The following SART3 variants were observed in gnomAD, a reference collection of about 807,000 sequenced individuals.
SART3 encodes the protein HIV-1 Tat-interacting protein of 110kDa.
SART3 carries 44 observed loss-of-function variants against 122.3 expected under a neutral mutation model. The observed-to-expected ratio is 0.36, with a 90% CI of 0.28 to 0.46. The LOEUF is 0.46. Among genes scored for constraint, SART3 ranks in the 20% least tolerant of loss-of-function variants. The pLI is 1.00. For synonymous variants in SART3, 442 were observed against 454.0 expected, an observed-to-expected ratio of 0.97 and a Z score of 0.34; for missense variants, 1,101 against 1,229.0, an observed-to-expected ratio of 0.90 and a Z score of 1.56.
At chr12:108,537,374 A>G in intron 9 of SART3, 114 bp downstream of exon 9, 2 of 774,478 alleles carry the variant, frequency 2.6e-6, no homozygotes, top group South Asian at 2.9e-5. Context: ...AGTCACCAAT[A>G]CCTAGTCTAC....
intron 15 of SART3, among the ~76,000 whole-genome samples, chr12:108,528,300 T>A (rs897584895): frequency 1.3e-5 from 2 of 151,742 alleles, no homozygotes; most frequent in Admixed American, 1.3e-4. Context: ...CTGGCTAACA[T>A]GGTGAAACCC....
Position 108,545,249 on chromosome 12 carries a change from G to A in SART3, c.619C>T (p.Arg207Cys), listed in dbSNP as rs772625810. 41 of 1,613,948 alleles carry A rather than the reference G, an allele frequency of 2.5e-5. No homozygotes were observed. The highest frequency in any genetic ancestry group is 2.7e-5 in the Non-Finnish European group (32 of 1,179,998). ...GAGAGAGCCCTTTCAAACACGGAGC[G>A]AACTTTCTCAAGGCCACCTTTCTGA... ...IGQKGGLEKV[R>C]SVFERALSSV... Residue 207 changes from arginine (R) to cysteine (C), a missense_variant, in exon 4 of 19, where the codon CGC (arginine) becomes TGC (cysteine). Arg to Cys is a radical substitution (Grantham distance 180). Coordinates refer to ENST00000546815, the MANE Select transcript of SART3 (RefSeq NM_014706.4).
Position 108,523,087 on chromosome 12 carries a change from G to T in SART3, c.*370C>A, listed in dbSNP as rs1455998673. ...ATGACGGGCACATGTGCTGTGCAGG[G>T]TGGAAGAGAAGTGTCATACAAAAAG... On this transcript the variant is annotated 3_prime_UTR_variant, in exon 19 of 19. Coordinates refer to ENST00000546815, the MANE Select transcript of SART3 (RefSeq NM_014706.4). The T allele has an allele frequency of 2.9e-6, 1 of 344,738 alleles. No homozygotes were observed. Among genetic ancestry groups the T allele is most frequent in the South Asian group, 2.9e-5 (1 of 34,650 alleles). The allele number at this position is 344,738 out of a possible 1,614,324, so 21.4% of individuals were successfully genotyped here.
intron 5 of SART3, among the ~76,000 whole-genome samples, 187 bp downstream of exon 5, chr12:108,544,240 C>T (rs543741123): frequency 1.3e-5 from 2 of 152,168 alleles, no homozygotes; most frequent in Non-Finnish European, 2.9e-5. Flanking sequence ...CCTCACAACC[C>T]TCTTAAGCAC....
At chr12:108,549,500 G>A (rs949887506) in intron 1 of SART3, among the ~76,000 whole-genome samples, 1 of 152,100 alleles carries the variant, frequency 6.6e-6, no homozygotes, top group Admixed American at 6.5e-5. Flanking sequence ...CAAATAAAAA[G>A]TATGTGACCT....
chr12:108,542,515 A>C (rs190486859), intron 6 of SART3, among the ~76,000 whole-genome samples: 5 of 147,222 alleles, frequency 3.4e-5, no homozygotes, highest in African/African-American at 1.2e-4. Flanking sequence ...CTATCCAGCA[A>C]CATGGATAAA....
At chr12:108,556,689 G>A (rs988611419) in intron 1 of SART3, among the ~76,000 whole-genome samples, 5 of 152,218 alleles carry the variant, frequency 3.3e-5, no homozygotes, top group Admixed American at 1.3e-4. Context: ...TCTTAAATGG[G>A]CTATCATGAC....
chr12:108,559,425 G>T (rs1487981506), intron 1 of SART3, among the ~76,000 whole-genome samples: 2 of 152,168 alleles, frequency 1.3e-5, no homozygotes, highest in African/African-American at 4.8e-5. Flanking sequence ...CAGCACTACG[G>T]GAGGCCAAGG....
At position 108,537,444 on chromosome 12, in the gene SART3, A is replaced by T. The variant is rs372029667; in HGVS notation, c.1309+44T>A. Reference sequence around the variant, plus strand: ...GGGACATCTCGCCAAAAGTTGTATTAAGAACATGTTCAGCTCTAAAGTGAA... The same window carrying T: ...GGGACATCTCGCCAAAAGTTGTATTTAGAACATGTTCAGCTCTAAAGTGAA... On this transcript the variant is annotated intron_variant, in intron 9 of 18. Transcript: ENST00000546815. The T allele has an allele frequency of 4.7e-6, 7 of 1,480,018 alleles. No individual in the cohort carries two copies. The African/African-American group carries it at 5.5e-5, about 12-fold the overall frequency. 91.7% of individuals were successfully genotyped at this position (1,480,018 alleles called of 1,614,324 possible).
At position 108,523,302 on chromosome 12, in the gene SART3, A is replaced by C; in HGVS notation, c.*155T>G. The C allele has an allele frequency of 2.5e-6, 2 of 805,678 alleles. No individual in the cohort carries two copies. The highest frequency in any genetic ancestry group is 4.3e-6 in the Non-Finnish European group (2 of 468,506). The allele number at this position is 805,678 out of a possible 1,614,324, so 49.9% of individuals were successfully genotyped here. ...GGGAGCACTGAAAGGCTCTTGACTT[A>C]GAACCCCTTCCCCTTTCTGTCTAAA... On this transcript the variant is annotated 3_prime_UTR_variant, in exon 19 of 19. Transcript: ENST00000546815.
chr12:108,544,446 C>T lies in SART3; in HGVS notation c.762G>A (p.Gln254=). 1.2e-6 allele frequency: 2 copies of T among 1,614,208 alleles called. No homozygotes were observed. Among genetic ancestry groups the T allele is most frequent in the Non-Finnish European group, 1.7e-6 (2 of 1,180,024 alleles). ...LEKVHSLFRR[Q]LAIPLYDMEA... Reference sequence around the variant, plus strand: ...TCTTACCATAGAGTGGGATCGCCAACTGTCGCCGGAAAAGACTGTGGACTT... The same window carrying T: ...TCTTACCATAGAGTGGGATCGCCAATTGTCGCCGGAAAAGACTGTGGACTT... Residue 254 remains glutamine, a synonymous_variant, in exon 5 of 19, where the codon CAG becomes CAA. Transcript: ENST00000546815.
intron 9 of SART3, 192 bp downstream of exon 9, chr12:108,537,296 C>T (rs920896778): frequency 6.8e-6 from 4 of 590,514 alleles, no homozygotes; most frequent in Non-Finnish European, 1.2e-5. Flanking sequence ...TAAACGATTA[C>T]TCTCTTGCTT....
intron 4 of SART3, chr12:108,544,894 T>C (rs1873331588): frequency 3.4e-6 from 2 of 591,068 alleles, no homozygotes; most frequent in Non-Finnish European, 6.0e-6. Flanking sequence ...TCAAAAAATA[T>C]CTCAACAAAT....
intron 11 of SART3, 26 bp from the exon 12 acceptor site, chr12:108,535,494 G>A (rs1872865300): frequency 1.9e-6 from 3 of 1,589,638 alleles, no homozygotes; most frequent in Non-Finnish European, 2.6e-6. Context: ...AGGCTGTTAG[G>A]AGACCTGAAC....
intron 1 of SART3, among the ~76,000 whole-genome samples, chr12:108,551,742 C>T (rs1397850849): frequency 6.6e-6 from 1 of 151,980 alleles, no homozygotes; most frequent in Non-Finnish European, 1.5e-5. Flanking sequence ...GAAATGAAAA[C>T]CATGCAGAGT....
chr12:108,544,549 G>C, intron 4 of SART3, 71 bp from the exon 5 acceptor site: 1 of 1,604,124 alleles, frequency 6.2e-7, no homozygotes, highest in Non-Finnish European at 8.5e-7. Context: ...AAGCAAATTA[G>C]TAGTAAATGA....
At chr12:108,523,696 G>A in intron 18 of SART3, 62 bp from the exon 19 acceptor site, 1 of 1,432,190 alleles carries the variant, frequency 7.0e-7, no homozygotes, top group Non-Finnish European at 9.8e-7. Context: ...TCATTTATTT[G>A]TGAAAATAAG....
At chr12:108,560,659 A>G in intron 1 of SART3, 184 bp downstream of exon 1, 1 of 558,764 alleles carries the variant, frequency 1.8e-6, no homozygotes, top group Middle Eastern at 3.8e-4. Flanking sequence ...ATTCAATGAG[A>G]TAACGTTTGC....
At chr12:108,549,492 A>T (rs2029900974) in intron 1 of SART3, among the ~76,000 whole-genome samples, 1 of 152,204 alleles carries the variant, frequency 6.6e-6, no homozygotes, top group African/African-American at 2.4e-5. Context: ...TAATGAAACA[A>T]ATAAAAAGTA....
Sources: gnomAD v4.1 joint callset for allele counts (sites outside exome capture counted in the v4.1 genomes callset) on GRCh38, gnomAD v4.1.1 for gene constraint, MANE v1.5 for transcripts, NCBI Gene and HGNC (gene_info 2026-07-23, HGNC 2026-07-21) for gene names.